Variants in KIAA0586 observed in about 807,000 individuals in gnomAD.
The protein encoded by KIAA0586 is protein TALPID3.
KIAA0586 carries 144 observed loss-of-function variants against 169.8 expected under a neutral mutation model. The observed-to-expected ratio is 0.85, with a 90% CI of 0.74 to 0.97. The LOEUF (loss-of-function observed/expected upper bound fraction) is 0.97. Ranked by LOEUF, KIAA0586 falls within the 50% of genes least tolerant of loss-of-function variation. The pLI is 0.00. For synonymous variants in KIAA0586, 625 were observed against 612.4 expected (o/e 1.02, Z -0.30); for missense variants, 1,854 against 1,823.0 (o/e 1.02, Z -0.31).
chr14:58,494,795 T>A (rs1329816966), intron 26 of KIAA0586, among the ~76,000 whole-genome samples: 1 of 152,182 alleles, frequency 6.6e-6, no homozygotes, highest in Admixed American at 6.5e-5. Flanking sequence ...TGGACAGATT[T>A]CATCTATAGT....
rs74607305 is a variant in KIAA0586 at position 58,548,037 on chromosome 14, A to G, written c.*105A>G. On this transcript the variant is annotated 3_prime_UTR_variant, in exon 31 of 31. Coordinates refer to ENST00000652326, the MANE Select transcript of KIAA0586 (RefSeq NM_001329943.3). ...CTGTTTGGTTTTTGAGCATATTCTG[A>G]AAAAAAAATTCCAATATTTTAAAAT... 7.8e-7 allele frequency: 1 copy of G among 1,287,462 alleles called. No homozygotes were observed. The highest frequency in any genetic ancestry group is 1.1e-6 in the Non-Finnish European group (1 of 949,082). 79.8% of individuals were successfully genotyped at this position (1,287,462 alleles called of 1,614,324 possible). A position where few individuals can be genotyped will look rare whatever the true frequency, so the allele number is the denominator to read the frequency against.
rs573029911 is a variant in KIAA0586 at position 58,432,489 on chromosome 14, ATTTC to A, written c.410+35_410+38del. On this transcript the variant is annotated intron_variant, in intron 4 of 30. Transcript: ENST00000652326. ...TTCATTTACAGAAAATAATTGGACC[ATTTC>A]TTATGTAAATCAGCTTCATTTGTAC... The A allele has an allele frequency of 7.7e-5, 91 of 1,177,026 alleles. 1 individual carries two copies. The African/African-American group carries it at 1.3e-3, about 17-fold the overall frequency. 72.9% of individuals were successfully genotyped at this position (1,177,026 alleles called of 1,614,324 possible).
intron 30 of KIAA0586, among the ~76,000 whole-genome samples, chr14:58,543,164 G>A (rs1313633476): frequency 6.7e-6 from 1 of 149,660 alleles, no homozygotes; most frequent in African/African-American, 2.5e-5. Context: ...AAACACCTCT[G>A]AAGTTGGTAC....
At chr14:58,539,938 C>T in intron 29 of KIAA0586, 133 bp from the exon 30 acceptor site, 1 of 563,104 alleles carries the variant, frequency 1.8e-6, no homozygotes, top group African/African-American at 1.9e-5. Flanking sequence ...CTAGATCAAA[C>T]TTCTGTTTAC....
In KIAA0586 at chr14:58,438,759, AAGG is replaced by A. The variant is rs903318372; in HGVS notation, c.411-3941_411-3939del. Among the ~76,000 whole-genome samples, 6 of 152,274 alleles carry A rather than the reference AAGG, an allele frequency of 3.9e-5. No homozygotes were observed. In the South Asian group the frequency reaches 6.2e-4, roughly 16 times the overall value. ...AAGGTAGTACTTGCATTGCACCTTA[AAGG>A]AGGAGAAGGATGTAATAAGTTGGGT... On this transcript the variant is annotated intron_variant, in intron 4 of 30. Coordinates refer to ENST00000652326, the MANE Select transcript of KIAA0586 (RefSeq NM_001329943.3).
intron 14 of KIAA0586, among the ~76,000 whole-genome samples, chr14:58,464,887 G>C (rs780299756): frequency 2.0e-5 from 3 of 152,054 alleles, no homozygotes; most frequent in South Asian, 4.1e-4. Flanking sequence ...AGATTTTATC[G>C]CGCTACTCAG....
chr14:58,447,463 ATTTTATTTTATTTTG>A (rs1233928753), intron 6 of KIAA0586, among the ~76,000 whole-genome samples: 221 of 149,472 alleles, frequency 1.5e-3, no homozygotes, highest in Middle Eastern at 6.8e-3. Context: ...ATTTTATTTT[ATTTTATTTTATTTTG>A]TTTTATTTTA....
intron 29 of KIAA0586, among the ~76,000 whole-genome samples, chr14:58,518,025 A>G (rs2044889499): frequency 6.6e-6 from 1 of 152,190 alleles, no homozygotes; most frequent in South Asian, 2.1e-4. Context: ...TTTGATGGAA[A>G]TATTATATAT....
intron 29 of KIAA0586, among the ~76,000 whole-genome samples, chr14:58,533,492 G>A (rs758441840): frequency 1.3e-5 from 2 of 152,110 alleles, no homozygotes; most frequent in African/African-American, 2.4e-5. Flanking sequence ...CTGGGTGACT[G>A]TTATTGTCTT....
rs530328326 is a variant in KIAA0586 at position 58,550,897 on chromosome 14, G to A, written c.*2965G>A. 3.8e-4 allele frequency: 58 copies of A among 151,352 alleles called. No individual in the cohort carries two copies. Among genetic ancestry groups the A allele is most frequent in the African/African-American group, 1.4e-3 (58 of 41,254 alleles). 9.4% of individuals were successfully genotyped at this position (151,352 alleles called of 1,614,324 possible). A position where few individuals can be genotyped will look rare whatever the true frequency, so the allele number is the denominator to read the frequency against. ...TAACACTAGGTAACGTGTTTAAAAT[G>A]TTCCTTTCTGCTGGGTGCGGGTGGC... On this transcript the variant is annotated 3_prime_UTR_variant, in exon 31 of 31. Coordinates refer to ENST00000652326, the MANE Select transcript of KIAA0586 (RefSeq NM_001329943.3).
At chr14:58,557,901 C>T in the KIAA0586 span, among the ~76,000 whole-genome samples, 309 of 42,446 alleles carry the variant, frequency 7.3e-3, no homozygotes, top group Middle Eastern at 0.022. Context: ...CCTGAGAAAT[C>T]TTTTTTTTTT....
the KIAA0586 span, among the ~76,000 whole-genome samples, chr14:58,560,150 CAAAA>C: frequency 1.2e-5 from 1 of 86,304 alleles, no homozygotes; most frequent in Non-Finnish European, 2.4e-5. Flanking sequence ...GACTCCATCT[CAAAA>C]AAAAAAAAAA....
chr14:58,440,092 C>T (rs1269399671), intron 4 of KIAA0586: 4 of 323,394 alleles, frequency 1.2e-5, no homozygotes, highest in Non-Finnish European at 2.4e-5. Flanking sequence ...CCATGTTGCC[C>T]AGCTGGTCTT....
At chr14:58,445,828 G>C (rs2140612262) in intron 6 of KIAA0586, among the ~76,000 whole-genome samples, 2 of 117,456 alleles carry the variant, frequency 1.7e-5, no homozygotes, top group South Asian at 5.3e-4. Context: ...GATCAGCATT[G>C]TAAATGTGTT....
At chr14:58,486,154 T>G (rs1169962649) in intron 21 of KIAA0586, among the ~76,000 whole-genome samples, 1 of 152,176 alleles carries the variant, frequency 6.6e-6, no homozygotes, top group African/African-American at 2.4e-5. Flanking sequence ...TGTTTATGTC[T>G]ATGTGTGCTC....
chr14:58,497,958 A>G (rs1174441422), intron 26 of KIAA0586, among the ~76,000 whole-genome samples: 1 of 148,042 alleles, frequency 6.8e-6, no homozygotes, highest in Non-Finnish European at 1.5e-5. Flanking sequence ...GCTCACTGCA[A>G]GCTCCACCTC....
chr14:58,438,434 A>AAT (rs1249727502), intron 4 of KIAA0586, among the ~76,000 whole-genome samples: 1 of 152,110 alleles, frequency 6.6e-6, no homozygotes, highest in Admixed American at 6.6e-5. Context: ...CAATTGGTTA[A>AAT]ATATATATAT....
rs767152960 is a variant in KIAA0586, at chr14:58,531,343, A to AT, written c.4430-8728_4430-8727insT. Among the ~76,000 whole-genome samples, 814 of 146,012 alleles carry AT rather than the reference A, an allele frequency of 5.6e-3. 10 individuals are homozygous for AT. The highest frequency in any genetic ancestry group is 7.0e-3 in the Non-Finnish European group (476 of 67,632). ...CTCCGTCTCAAAAAAAAAAAAAAATAAAATAAATAAAAAATAAAAAAAAAT... is the reference window on the plus strand; with the variant it reads ...CTCCGTCTCAAAAAAAAAAAAAAATATAAATAAATAAAAAATAAAAAAAAAT... On this transcript the variant is annotated intron_variant, in intron 29 of 30. Coordinates refer to ENST00000652326, the MANE Select transcript of KIAA0586 (RefSeq NM_001329943.3).
intron 27 of KIAA0586, among the ~76,000 whole-genome samples, chr14:58,506,091 A>G (rs968366143): frequency 2.0e-5 from 3 of 152,158 alleles, no homozygotes; most frequent in African/African-American, 7.2e-5. Context: ...TTCTAGGCAT[A>G]TACCATATAT....
Sources: allele counts gnomAD v4.1 joint callset (sites outside exome capture counted in the v4.1 genomes callset), GRCh38; gene constraint gnomAD v4.1.1; transcripts MANE v1.5; gene names NCBI Gene and HGNC (gene_info 2026-07-23, HGNC 2026-07-21).